TSPAN12: variants seen among roughly 807,000 people sequenced by gnomAD.
TSPAN12 encodes the protein tetraspanin 12, also known as tetraspanin-12.
TSPAN12 carries 19 observed loss-of-function variants against 39.2 expected under a neutral mutation model. The observed-to-expected ratio is 0.49, with a 90% CI of 0.34 to 0.71. The LOEUF is 0.71. TSPAN12 is among the 30% of genes least tolerant of loss of function. The probability of loss-of-function intolerance (pLI) is 0.01; values close to 1 mark genes in which losing one functional copy is unlikely to be tolerated. For missense variants in TSPAN12, 314 were observed against 359.9 expected (o/e 0.87, Z 1.03); for synonymous variants, 119 against 124.8 (o/e 0.95, Z 0.31).
At chr7:120,837,803 T>C (rs757157359) in intron 4 of TSPAN12, among the ~76,000 whole-genome samples, 1 of 152,228 alleles carries the variant, frequency 6.6e-6, no homozygotes, top group Non-Finnish European at 1.5e-5. Flanking sequence ...GTGTGGGAGC[T>C]GGCTCCTTGA....
chr7:120,857,103 A>C (rs1378990531), intron 1 of TSPAN12: 3 of 406,846 alleles, frequency 7.4e-6, no homozygotes, highest in Non-Finnish European at 1.4e-5. Flanking sequence ...TCGCGTTCTC[A>C]GGGGACACGC....
intron 4 of TSPAN12, among the ~76,000 whole-genome samples, chr7:120,823,043 A>C (rs766066205): frequency 1.3e-5 from 2 of 152,158 alleles, no homozygotes; most frequent in Non-Finnish European, 2.9e-5. Context: ...TTATAAAGCC[A>C]TTTCCAGGCA....
intron 6 of TSPAN12, among the ~76,000 whole-genome samples, chr7:120,808,870 A>C (rs568645925): frequency 3.9e-5 from 6 of 152,088 alleles, no homozygotes; most frequent in Admixed American, 3.3e-4. Flanking sequence ...ATGTGACTGT[A>C]TTTGGAGATA....
At chr7:120,799,878 T>C (rs934871635) in intron 7 of TSPAN12, among the ~76,000 whole-genome samples, 3 of 141,692 alleles carry the variant, frequency 2.1e-5, no homozygotes, top group Non-Finnish European at 3.0e-5. Flanking sequence ...ATATTACTAT[T>C]AATTAAATAT....
intron 4 of TSPAN12, among the ~76,000 whole-genome samples, chr7:120,827,695 T>C (rs1339930133): frequency 1.3e-5 from 2 of 152,200 alleles, no homozygotes; most frequent in Non-Finnish European, 1.5e-5. Context: ...AACAAACCAA[T>C]GATGACGTGA....
chr7:120,817,355 C>T (rs1794103963), intron 4 of TSPAN12, among the ~76,000 whole-genome samples: 1 of 151,972 alleles, frequency 6.6e-6, no homozygotes. Flanking sequence ...TGTCACAGCA[C>T]TTCAGCCTCG....
In TSPAN12 at chr7:120,816,365, C is replaced by CAA. The variant is rs34279049; in HGVS notation, c.286-564_286-563dup. On this transcript the variant is annotated intron_variant, in intron 4 of 7. Coordinates refer to ENST00000222747, the MANE Select transcript of TSPAN12 (RefSeq NM_012338.4). ...AAAATTCTGATAAGGCATGCGCAGG[C>CAA]AAAAAAAAACACAAAGTTGAATATG... Among the ~76,000 whole-genome samples the CAA allele has an allele frequency of 1.7e-3, 257 of 148,402 alleles. 1 individual carries two copies. The highest frequency in any genetic ancestry group is 5.0e-3 in the African/African-American group (201 of 39,956).
intron 4 of TSPAN12, among the ~76,000 whole-genome samples, chr7:120,837,694 A>G (rs113345127): frequency 4.8e-4 from 73 of 152,358 alleles, no homozygotes; most frequent in South Asian, 1.7e-3. Flanking sequence ...TAAGTAATAC[A>G]TTAACACAGG....
intron 7 of TSPAN12, among the ~76,000 whole-genome samples, chr7:120,792,679 G>A (rs1793553950): frequency 6.6e-6 from 1 of 152,216 alleles, no homozygotes; most frequent in Non-Finnish European, 1.5e-5. Context: ...TAACTGAGTA[G>A]AAACTTCAAT....
intron 4 of TSPAN12, among the ~76,000 whole-genome samples, chr7:120,830,231 A>C (rs542167515): frequency 6.6e-6 from 1 of 152,162 alleles, no homozygotes; most frequent in Non-Finnish European, 1.5e-5. Context: ...ATCCAAAGTG[A>C]CCTACAAATT....
At chr7:120,827,717 C>A (rs1456665036) in intron 4 of TSPAN12, among the ~76,000 whole-genome samples, 1 of 152,152 alleles carries the variant, frequency 6.6e-6, no homozygotes, top group Non-Finnish European at 1.5e-5. Flanking sequence ...GAAAGCATAT[C>A]CATTATCTCT....
At chr7:120,836,931 C>T (rs908010880) in intron 4 of TSPAN12, among the ~76,000 whole-genome samples, 1 of 152,178 alleles carries the variant, frequency 6.6e-6, no homozygotes, top group African/African-American at 2.4e-5. Context: ...CCATGAAATA[C>T]CTGACCCTAC....
chr7:120,835,412 G>A (rs569891675), intron 4 of TSPAN12, among the ~76,000 whole-genome samples: 94 of 152,194 alleles, frequency 6.2e-4, no homozygotes, highest in African/African-American at 2.2e-3. Flanking sequence ...ATACATTACA[G>A]GACACATTTG....
chr7:120,795,562 G>A (rs189799523), intron 7 of TSPAN12, among the ~76,000 whole-genome samples: 7 of 152,176 alleles, frequency 4.6e-5, no homozygotes, highest in South Asian at 2.1e-4. Flanking sequence ...TCAAAAAGTC[G>A]GGCAGCCTTT....
At chr7:120,831,186 C>T (rs948753425) in intron 4 of TSPAN12, among the ~76,000 whole-genome samples, 24 of 151,928 alleles carry the variant, frequency 1.6e-4, no homozygotes, top group Admixed American at 5.9e-4. Context: ...AATCCTGGTA[C>T]ACTGTTTGAG....
intron 4 of TSPAN12, among the ~76,000 whole-genome samples, chr7:120,821,834 A>C (rs1458763496): frequency 6.6e-6 from 1 of 152,138 alleles, no homozygotes; most frequent in African/African-American, 2.4e-5. Context: ...AAAATTGCTC[A>C]TCCTCCTGAG....
intron 7 of TSPAN12, among the ~76,000 whole-genome samples, chr7:120,790,130 T>G (rs530222154): frequency 2.2e-4 from 33 of 152,232 alleles, no homozygotes; most frequent in African/African-American, 6.7e-4. Context: ...AGGAGAGAGT[T>G]CTTCTCTTTC....
At chr7:120,853,842 G>A (rs567263565) in intron 2 of TSPAN12, among the ~76,000 whole-genome samples, 2 of 147,070 alleles carry the variant, frequency 1.4e-5, no homozygotes, top group East Asian at 4.0e-4. Flanking sequence ...CCACTGGACT[G>A]CAGCCTGGTG....
At chr7:120,793,271 TGACA>T (rs1256555220) in intron 7 of TSPAN12, among the ~76,000 whole-genome samples, 1 of 152,234 alleles carries the variant, frequency 6.6e-6, no homozygotes, top group African/African-American at 2.4e-5. Context: ...TAAAATGCAA[TGACA>T]TATTAAGACA....
Sources: allele counts gnomAD v4.1 joint callset (sites outside exome capture counted in the v4.1 genomes callset), GRCh38; gene constraint gnomAD v4.1.1; transcripts MANE v1.5; gene names NCBI Gene and HGNC (gene_info 2026-07-23, HGNC 2026-07-21).